Variants in BCL2L11 observed in about 807,000 individuals in gnomAD.
The protein encoded by BCL2L11 is bcl-2-like protein 11.
In BCL2L11, 15 loss-of-function variants were observed where a neutral mutation model predicts 20.6. The ratio of observed to expected loss-of-function variants is 0.73; its 90% CI spans 0.49 to 1.12. The LOEUF (loss-of-function observed/expected upper bound fraction) is 1.12, where lower values mean the gene tolerates loss of function less well. Ranked by LOEUF, BCL2L11 falls within the 50% of genes most tolerant of loss-of-function variation. The pLI is 0.00. For synonymous variants in BCL2L11, 108 were observed against 92.8 expected, an observed-to-expected ratio of 1.16 and a Z score of -0.94; for missense variants, 292 against 260.9, an observed-to-expected ratio of 1.12 and a Z score of -0.82.
At chr2:111,148,971 TATC>T (rs1372635597) in intron 2 of BCL2L11, among the ~76,000 whole-genome samples, 1 of 152,212 alleles carries the variant, frequency 6.6e-6, no homozygotes, top group African/African-American at 2.4e-5. Flanking sequence ...AAAATCCTAT[TATC>T]GTAGGTTTTT....
intron 3 of BCL2L11, among the ~76,000 whole-genome samples, chr2:111,156,368 C>T (rs2077856344): frequency 6.6e-6 from 1 of 152,190 alleles, no homozygotes; most frequent in African/African-American, 2.4e-5. Context: ...ATAACAAAAG[C>T]AGTCATGAGG....
At chr2:111,161,140 A>G (rs2078499728) in intron 3 of BCL2L11, among the ~76,000 whole-genome samples, 1 of 151,978 alleles carries the variant, frequency 6.6e-6, no homozygotes, top group Admixed American at 6.5e-5. Context: ...ACCTCATTTT[A>G]ACTTAATCAC....
intron 2 of BCL2L11, among the ~76,000 whole-genome samples, chr2:111,134,466 A>G (rs1262305672): frequency 6.6e-6 from 1 of 152,034 alleles, no homozygotes; most frequent in Non-Finnish European, 1.5e-5. Flanking sequence ...CGTTAGCCCC[A>G]TTTTTCCAAT....
intron 2 of BCL2L11, among the ~76,000 whole-genome samples, chr2:111,146,989 A>T (rs2076603065): frequency 6.6e-6 from 1 of 152,180 alleles, no homozygotes; most frequent in Non-Finnish European, 1.5e-5. Context: ...ACTGGTTTTT[A>T]AAAAAATAGT....
Position 111,165,997 on chromosome 2 carries a change from T to C in BCL2L11, c.*1766T>C, listed in dbSNP as rs1258929352. The C allele has an allele frequency of 6.6e-6, 1 of 152,446 alleles. No homozygotes were observed. The highest frequency in any genetic ancestry group is 1.5e-5 in the Non-Finnish European group (1 of 68,040). The allele number at this position is 152,446 out of a possible 1,614,324, so 9.4% of individuals were successfully genotyped here. A position where few individuals can be genotyped will look rare whatever the true frequency, so the allele number is the denominator to read the frequency against. On this transcript the variant is annotated 3_prime_UTR_variant, in exon 4 of 4. Transcript: ENST00000393256. ...ATACTCTTACTTTAAAAAATTTCCT[T>C]TCCCCAAGAATCTCCTTGGGACTTT... is the stretch of plus-strand genomic sequence containing the variant.
chr2:111,129,792 A>G (rs1297184336), intron 2 of BCL2L11, among the ~76,000 whole-genome samples: 1 of 152,212 alleles, frequency 6.6e-6, no homozygotes, highest in East Asian at 1.9e-4. Context: ...TTCCTTACCC[A>G]TGATAACCAC....
chr2:111,133,525 C>A (rs1559034718), intron 2 of BCL2L11, among the ~76,000 whole-genome samples: 2 of 152,122 alleles, frequency 1.3e-5, no homozygotes, highest in Non-Finnish European at 2.9e-5. Context: ...TCCAAAAATA[C>A]CTAAGTGTGT....
Position 111,124,150 on chromosome 2 carries a change from C to A in BCL2L11, c.394+11C>A, listed in dbSNP as rs749854020. On this transcript the variant is annotated intron_variant, in intron 2 of 3. Coordinates refer to ENST00000393256, the MANE Select transcript of BCL2L11 (RefSeq NM_138621.5). ...ATCTCAGTGCAATGGGTAAGCAATG[C>A]CTGGGTAAGAGGCAGTTGACGTGTG... is the stretch of plus-strand genomic sequence containing the variant. 1 of 1,594,016 alleles carries A rather than the reference C, an allele frequency of 6.3e-7. No individual in the cohort carries two copies. The highest frequency in any genetic ancestry group is 8.5e-7 in the Non-Finnish European group (1 of 1,169,644).
intron 3 of BCL2L11, among the ~76,000 whole-genome samples, chr2:111,156,913 T>G (rs772995115): frequency 1.3e-5 from 2 of 152,202 alleles, no homozygotes; most frequent in Non-Finnish European, 2.9e-5. Flanking sequence ...CTTCGGCGTT[T>G]AGAAAGGGAG....
intron 3 of BCL2L11, among the ~76,000 whole-genome samples, chr2:111,150,818 T>G (rs563823060): frequency 6.6e-6 from 1 of 152,348 alleles, no homozygotes; most frequent in Non-Finnish European, 1.5e-5. Flanking sequence ...AAGCGGTGTT[T>G]TTTGTTTGTT....
chr2:111,123,443 A>G (rs1340692034), intron 1 of BCL2L11: 2 of 985,296 alleles, frequency 2.0e-6, no homozygotes, highest in East Asian at 1.1e-4. Context: ...AGCACACACG[A>G]ATAGACTTCA....
chr2:111,147,390 A>ACACACACACACACACC lies in BCL2L11; in HGVS notation c.395-2653_395-2652insACACACACACACACCC, dbSNP rs1039299406. ...CACACACACACACACACACACACACACCCGCCATTTCTCCCTGCCAGAGCT... is the reference window on the plus strand; with the variant it reads ...CACACACACACACACACACACACACACACACACACACACACCCCCGCCATTTCTCCCTGCCAGAGCT... On this transcript the variant is annotated intron_variant, in intron 2 of 3. Transcript: ENST00000393256. Among the ~76,000 whole-genome samples, 42 of 138,356 alleles carry ACACACACACACACACC rather than the reference A, an allele frequency of 3.0e-4. No individual in the cohort carries two copies. In the East Asian group the frequency reaches 6.7e-3, roughly 22 times the overall value. 90.8% of individuals were successfully genotyped at this position (138,356 alleles called of 152,430 possible). A position where few individuals can be genotyped will look rare whatever the true frequency, so the allele number is the denominator to read the frequency against.
intron 3 of BCL2L11, among the ~76,000 whole-genome samples, chr2:111,152,471 A>G (rs1360415948): frequency 1.3e-5 from 2 of 152,242 alleles, no homozygotes; most frequent in Non-Finnish European, 2.9e-5. Flanking sequence ...AGCATGCAAT[A>G]TGAATGCATG....
intron 1 of BCL2L11, chr2:111,122,811 C>T (rs1447184849): frequency 3.0e-6 from 3 of 985,234 alleles, no homozygotes; most frequent in East Asian, 2.3e-4. Flanking sequence ...TTGTCTCCTG[C>T]GCTGCTTTCG....
intron 3 of BCL2L11, among the ~76,000 whole-genome samples, chr2:111,161,784 G>A (rs1196624674): frequency 6.6e-6 from 1 of 152,102 alleles, no homozygotes; most frequent in Admixed American, 6.5e-5. Context: ...CATCTTAGGG[G>A]GCTTTCTCTA....
At chr2:111,162,152 C>T (rs1170997263) in intron 3 of BCL2L11, among the ~76,000 whole-genome samples, 4 of 152,214 alleles carry the variant, frequency 2.6e-5, no homozygotes, top group African/African-American at 9.6e-5. Context: ...ACAGCAGCTC[C>T]AGCCGGCCGT....
Position 111,143,565 on chromosome 2 carries a change from C to G in BCL2L11, c.395-6479C>G, listed in dbSNP as rs2076125485. Among the ~76,000 whole-genome samples the G allele has an allele frequency of 4.6e-5, 7 of 152,298 alleles. No homozygotes were observed. In the South Asian group the frequency reaches 1.4e-3, roughly 32 times the overall value. On this transcript the variant is annotated intron_variant, in intron 2 of 3. Transcript: ENST00000393256. ...CCCTACGAGGAATAGCATCGTAGCA[C>G]TCAGTGTTCTTCAGCGAGGACAGCA...
At chr2:111,122,947 C>G (rs911591600) in intron 1 of BCL2L11, 13 of 985,338 alleles carry the variant, frequency 1.3e-5, no homozygotes, top group African/African-American at 3.5e-5. Flanking sequence ...TGATTGCCTT[C>G]TGAGGGGAGG....
chr2:111,159,918 C>T (rs1026347050), intron 3 of BCL2L11, among the ~76,000 whole-genome samples: 7 of 152,210 alleles, frequency 4.6e-5, no homozygotes, highest in African/African-American at 1.2e-4. Context: ...TCTCAAAGGG[C>T]ATTGTTCATA....
Sources: gnomAD v4.1 joint callset for allele counts (sites outside exome capture counted in the v4.1 genomes callset) on GRCh38, gnomAD v4.1.1 for gene constraint, MANE v1.5 for transcripts, NCBI Gene and HGNC (gene_info 2026-07-23, HGNC 2026-07-21) for gene names.